The following PCDH15 variants were observed in gnomAD, a reference collection of about 807,000 sequenced individuals.
PCDH15 encodes the protein protocadherin-15.
In PCDH15, 129 loss-of-function variants were observed where a neutral mutation model predicts 178.5. The observed-to-expected ratio is 0.72, with a 90% confidence interval of 0.63 to 0.84. The LOEUF is 0.84. PCDH15 is among the 40% of genes least tolerant of loss of function. PCDH15 has a pLI of 0.00. For missense variants in PCDH15, 2,230 were observed against 2,099.9 expected (o/e 1.06, Z -1.21); for synonymous variants, 800 against 732.0 (o/e 1.09, Z -1.50).
intron 13 of PCDH15, among the ~76,000 whole-genome samples, chr10:54,173,213 C>T (rs1005841476): frequency 1.3e-5 from 2 of 152,076 alleles, no homozygotes; most frequent in Non-Finnish European, 2.9e-5. Flanking sequence ...TATTATAAAA[C>T]CAAAATATAA....
intron 2 of PCDH15, among the ~76,000 whole-genome samples, chr10:55,591,784 A>G (rs578191311): frequency 1.8e-4 from 27 of 152,256 alleles, no homozygotes; most frequent in Non-Finnish European, 2.9e-4. Context: ...GTCACATAAT[A>G]CATAACAAAA....
At chr10:55,346,802 C>G (rs570285682) in intron 2 of PCDH15, among the ~76,000 whole-genome samples, 116 of 151,794 alleles carry the variant, frequency 7.6e-4, no homozygotes, top group Non-Finnish European at 1.2e-3. Context: ...GTAGGTCCAC[C>G]TTGGCTGCTC....
chr10:53,818,732 TA>T (rs967926809), intron 33 of PCDH15, among the ~76,000 whole-genome samples: 1 of 152,108 alleles, frequency 6.6e-6, no homozygotes, highest in Non-Finnish European at 1.5e-5. Context: ...TTCTATGTGT[TA>T]TTTTTTAAGC....
intron 29 of PCDH15, among the ~76,000 whole-genome samples, chr10:53,835,239 G>C (rs550562671): frequency 6.4e-4 from 98 of 152,224 alleles, no homozygotes; most frequent in African/African-American, 2.3e-3. Context: ...TTTAAACATT[G>C]TGGTTTAAAG....
intron 6 of PCDH15, among the ~76,000 whole-genome samples, chr10:54,340,913 G>T (rs1212831639): frequency 6.6e-6 from 1 of 152,064 alleles, no homozygotes; most frequent in East Asian, 1.9e-4. Context: ...CCCAGAAAAA[G>T]GTCATATACT....
At chr10:55,540,904 T>C (rs1024135425) in intron 2 of PCDH15, among the ~76,000 whole-genome samples, 1 of 152,076 alleles carries the variant, frequency 6.6e-6, no homozygotes, top group African/African-American at 2.4e-5. Context: ...GTCTGTAGAA[T>C]TGCCACCATA....
intron 2 of PCDH15, chr10:54,606,366 G>A (rs1158884627): frequency 6.6e-6 from 1 of 152,084 alleles, no homozygotes; most frequent in East Asian, 1.9e-4. Context: ...AGAATACAAA[G>A]AAAGGAAACT....
At chr10:54,353,527 G>A (rs1456863497) in intron 5 of PCDH15, among the ~76,000 whole-genome samples, 2 of 152,066 alleles carry the variant, frequency 1.3e-5, no homozygotes, top group Admixed American at 1.3e-4. Context: ...TAATATCCCT[G>A]TACAGACTAT....
At chr10:54,443,370 T>C (rs2075955552) in intron 3 of PCDH15, among the ~76,000 whole-genome samples, 1 of 151,534 alleles carries the variant, frequency 6.6e-6, no homozygotes. Context: ...ATGGGAAGTT[T>C]TTTTTCATAT....
intron 2 of PCDH15, among the ~76,000 whole-genome samples, chr10:54,553,193 A>ATCTGG (rs2086806714): frequency 6.6e-6 from 1 of 152,178 alleles, no homozygotes; most frequent in African/African-American, 2.4e-5. Flanking sequence ...CTTACAGATT[A>ATCTGG]TCTGGTGATA....
upstream of PCDH15, among the ~76,000 whole-genome samples, chr10:54,804,948 T>TATATATCTATATATATATAC (rs905516559): frequency 7.9e-6 from 1 of 127,242 alleles, no homozygotes; most frequent in Non-Finnish European, 1.7e-5. Context: ...TATATATATA[T>TATATATCTATATATATATAC]ACAGAGTTTG....
intron 3 of PCDH15, among the ~76,000 whole-genome samples, chr10:54,820,363 T>C (rs182394889): frequency 1.0e-3 from 152 of 152,200 alleles, no homozygotes; most frequent in Admixed American, 3.3e-3. Flanking sequence ...CCAGCATCAC[T>C]CCATATTGAT....
At chr10:55,622,184 T>C (rs1837420384) in intron 2 of PCDH15, among the ~76,000 whole-genome samples, 1 of 140,562 alleles carries the variant, frequency 7.1e-6, no homozygotes, top group Non-Finnish European at 1.5e-5. Context: ...TATATATATA[T>C]ACATTTTATG....
At chr10:55,238,728 T>C (rs1197719103) in intron 1 of PCDH15, among the ~76,000 whole-genome samples, 1 of 152,036 alleles carries the variant, frequency 6.6e-6, no homozygotes, top group Non-Finnish European at 1.5e-5. Context: ...TATATATTTT[T>C]AATTTTTATG....
At position 54,307,079 on chromosome 10, in the gene PCDH15, T is replaced by C. The variant is rs11004216; in HGVS notation, c.876+10192A>G. On this transcript the variant is annotated intron_variant, in intron 8 of 37. Transcript: ENST00000644397. ...ATATATATATATATATATATATATA[T>C]ACATATATATATATGTGTGTGTGTG... Among the ~76,000 whole-genome samples, 83 of 9,584 alleles carry C rather than the reference T, an allele frequency of 8.7e-3. 11 individuals are homozygous for C. In the East Asian group the frequency reaches 0.09, roughly 10 times the overall value. 6.3% of individuals were successfully genotyped at this position (9,584 alleles called of 152,430 possible).
At chr10:55,303,239 C>T (rs976801618) in intron 1 of PCDH15, among the ~76,000 whole-genome samples, 2 of 152,126 alleles carry the variant, frequency 1.3e-5, no homozygotes, top group Admixed American at 6.6e-5. Context: ...TCTGCATTCT[C>T]TTTGCCCGCA....
intron 10 of PCDH15, among the ~76,000 whole-genome samples, chr10:54,209,832 A>G (rs1048632869): frequency 2.0e-5 from 3 of 152,104 alleles, no homozygotes; most frequent in African/African-American, 7.2e-5. Flanking sequence ...CTATGAAGTA[A>G]AATATGATTT....
chr10:55,376,669 A>G (rs1837401223), intron 2 of PCDH15, among the ~76,000 whole-genome samples: 1 of 152,072 alleles, frequency 6.6e-6, no homozygotes, highest in South Asian at 2.1e-4. Context: ...AAAATTTTGT[A>G]TAGCTTCAAG....
At chr10:55,549,656 T>C (rs543587334) in intron 2 of PCDH15, among the ~76,000 whole-genome samples, 3 of 152,314 alleles carry the variant, frequency 2.0e-5, no homozygotes, top group African/African-American at 7.2e-5. Flanking sequence ...CGGTTGTCTT[T>C]GGCTGATGCA....
Sources: allele counts gnomAD v4.1 joint callset (sites outside exome capture counted in the v4.1 genomes callset), GRCh38; gene constraint gnomAD v4.1.1; transcripts MANE v1.5; gene names NCBI Gene and HGNC (gene_info 2026-07-23, HGNC 2026-07-21).